The following ZBTB16 variants were observed in gnomAD, a reference collection of about 807,000 sequenced individuals.
The protein encoded by ZBTB16 is zinc finger and BTB domain containing 16, also known as zinc finger and BTB domain-containing protein 16.
Under a neutral mutation model 56.8 loss-of-function variants are expected in ZBTB16, and 8 were observed. The observed-to-expected ratio is 0.14, with a 90% CI of 0.08 to 0.25. The LOEUF is 0.25. Ranked by LOEUF, ZBTB16 falls within the 10% of genes least tolerant of loss-of-function variation. ZBTB16 has a pLI of 1.00. For synonymous variants in ZBTB16, 363 were observed against 368.5 expected (o/e 0.98, Z 0.17); for missense variants, 625 against 903.0 (o/e 0.69, Z 3.95).
At chr11:114,217,364 T>A (rs1355941447) in intron 4 of ZBTB16, among the ~76,000 whole-genome samples, 1 of 152,136 alleles carries the variant, frequency 6.6e-6, no homozygotes, top group East Asian at 1.9e-4. Context: ...AGGAGACTTT[T>A]GTGGCTATCC....
chr11:114,086,105 C>G (rs1239939914), intron 2 of ZBTB16, among the ~76,000 whole-genome samples: 1 of 152,072 alleles, frequency 6.6e-6, no homozygotes, highest in African/African-American at 2.4e-5. Flanking sequence ...CTCTGTGGAG[C>G]CTGCTGAATG....
At chr11:114,103,741 C>G (rs555985243) in intron 2 of ZBTB16, among the ~76,000 whole-genome samples, 1 of 152,084 alleles carries the variant, frequency 6.6e-6, no homozygotes, top group East Asian at 1.9e-4. Context: ...TTTAACCCAT[C>G]CTGGATTCCT....
chr11:114,159,938 G>GGT lies in ZBTB16; in HGVS notation c.1366+3505_1366+3506insTG, dbSNP rs1491306282. 4.6e-5 allele frequency among the ~76,000 whole-genome samples: 3 copies of GGT among 65,710 alleles called. 1 individual carries two copies. Among genetic ancestry groups the GGT allele is most frequent in the South Asian group, 8.3e-4 (2 of 2,424 alleles). The allele number at this position is 65,710 out of a possible 152,430, so 43.1% of individuals were successfully genotyped here. On this transcript the variant is annotated intron_variant, in intron 3 of 6. Transcript: ENST00000335953. ...CTCCAGAACCCTGGGCGGGGGAGGC[G>GGT]GGGGGGAGGCGAGCATTTTTTTTCA...
chr11:114,256,025 T>TG lies in ZBTB16; in HGVS notation c.*5470_*5471insG, dbSNP rs1384274233. Among the ~76,000 whole-genome samples, 1 of 116,134 alleles carries TG rather than the reference T, an allele frequency of 8.6e-6. No homozygotes were observed. The highest frequency in any genetic ancestry group is 1.8e-5 in the Non-Finnish European group (1 of 55,642). 76.2% of individuals were successfully genotyped at this position (116,134 alleles called of 152,430 possible). A position where few individuals can be genotyped will look rare whatever the true frequency, so the allele number is the denominator to read the frequency against. Reference sequence around the variant, plus strand: ...TTGAAGTACTTGGTTTTGTTTTGTTTTTTTTTTTTGTTTTTTTTGCCTTTT... The same window carrying TG: ...TTGAAGTACTTGGTTTTGTTTTGTTTGTTTTTTTTTGTTTTTTTTGCCTTTT... On this transcript the variant is annotated 3_prime_UTR_variant, in exon 7 of 7. Coordinates refer to ENST00000335953, the MANE Select transcript of ZBTB16 (RefSeq NM_006006.6).
intron 3 of ZBTB16, among the ~76,000 whole-genome samples, chr11:114,183,607 C>G (rs1306934958): frequency 6.6e-6 from 1 of 152,202 alleles, no homozygotes; most frequent in Non-Finnish European, 1.5e-5. Flanking sequence ...CGGGCCTTTG[C>G]TTCCCCTTTC....
intron 5 of ZBTB16, among the ~76,000 whole-genome samples, chr11:114,244,150 A>G (rs1944769667): frequency 6.6e-6 from 1 of 152,122 alleles, no homozygotes; most frequent in Non-Finnish European, 1.5e-5. Context: ...GGTGTTTAGC[A>G]TCAGCAGCTG....
intron 3 of ZBTB16, among the ~76,000 whole-genome samples, chr11:114,165,602 G>A (rs571682512): frequency 2.1e-4 from 32 of 152,310 alleles, no homozygotes; most frequent in Admixed American, 1.8e-3. Flanking sequence ...GGCCTGAAGC[G>A]TACTCAGTTT....
intron 2 of ZBTB16, among the ~76,000 whole-genome samples, chr11:114,095,245 CT>C (rs745895999): frequency 0.02 from 1,784 of 90,258 alleles, 12 homozygotes; most frequent in African/African-American, 0.05. Context: ...CTTTTCTTTT[CT>C]TTTTTTTTTT....
At position 114,060,592 on chromosome 11, in the gene ZBTB16, C is replaced by T. The variant is rs2137642383; in HGVS notation, c.-91+710C>T. ...CGCTCCCGGCCGCTCTCGGTGGGTG[C>T]CGGTCTCTGCACCTGATGCGTTCGG... On this transcript the variant is annotated intron_variant, in intron 1 of 6. Coordinates refer to ENST00000335953, the MANE Select transcript of ZBTB16 (RefSeq NM_006006.6). The surrounding 1 kb of genome is among the most constrained non-coding windows in gnomAD (Gnocchi z 6.0). 1 of 152,128 alleles carries T rather than the reference C, an allele frequency of 6.6e-6. No homozygotes were observed. Among genetic ancestry groups the T allele is most frequent in the East Asian group, 2.0e-4 (1 of 5,114 alleles). The allele number at this position is 152,128 out of a possible 1,614,324, so 9.4% of individuals were successfully genotyped here.
chr11:114,237,966 C>A (rs1944626689), intron 4 of ZBTB16, among the ~76,000 whole-genome samples: 2 of 152,208 alleles, frequency 1.3e-5, no homozygotes, highest in East Asian at 3.8e-4. Flanking sequence ...AGGAGCACCC[C>A]TGCACCTTGT....
In ZBTB16 at chr11:114,167,214, T is replaced by TG. The variant is rs1392171815; in HGVS notation, c.1366+10782dup. On this transcript the variant is annotated intron_variant, in intron 3 of 6. Coordinates refer to ENST00000335953, the MANE Select transcript of ZBTB16 (RefSeq NM_006006.6). ...GGAGCCTCGGGCCATTATGGATTTG[T>TG]GGTTTTTTTTTTTTTTGGTTTTTTT... Among the ~76,000 whole-genome samples the TG allele has an allele frequency of 2.1e-4, 24 of 115,916 alleles. No individual in the cohort carries two copies. The South Asian group carries it at 2.2e-3, about 11-fold the overall frequency. 76.0% of individuals were successfully genotyped at this position (115,916 alleles called of 152,430 possible).
intron 3 of ZBTB16, among the ~76,000 whole-genome samples, chr11:114,163,131 A>G (rs566519649): frequency 6.6e-6 from 1 of 152,318 alleles, no homozygotes; most frequent in East Asian, 1.9e-4. Context: ...TAAATTATAC[A>G]CTGGCTGATG....
intron 2 of ZBTB16, among the ~76,000 whole-genome samples, chr11:114,085,739 G>A (rs529048967): frequency 2.6e-5 from 4 of 152,104 alleles, no homozygotes; most frequent in Non-Finnish European, 4.4e-5. Flanking sequence ...GTGTATGGGT[G>A]GGGGCAGGTG....
At position 114,064,961 on chromosome 11, in the gene ZBTB16, T is replaced by C; in HGVS notation, c.1268+393T>C. ...TGGGCCCTGCATCTGACCATGTTAC[T>C]AGGTTTCAGGTCCTCGGGTTCCCAT... On this transcript the variant is annotated intron_variant, in intron 2 of 6. Transcript: ENST00000335953. The surrounding 1 kb of genome is among the most constrained non-coding windows in gnomAD (Gnocchi z 4.2). 1.3e-5 allele frequency among the ~76,000 whole-genome samples: 2 copies of C among 152,168 alleles called. 1 individual carries two copies. The highest frequency in any genetic ancestry group is 6.3e-3 in the Middle Eastern group (2 of 316).
intron 3 of ZBTB16, among the ~76,000 whole-genome samples, chr11:114,167,910 G>C (rs1033321691): frequency 6.6e-6 from 1 of 152,160 alleles, no homozygotes; most frequent in African/African-American, 2.4e-5. Context: ...ACCGGCGAGC[G>C]TTCCTTTTTC....
At chr11:114,205,132 G>C (rs891291257) in intron 4 of ZBTB16, among the ~76,000 whole-genome samples, 1 of 152,118 alleles carries the variant, frequency 6.6e-6, no homozygotes, top group African/African-American at 2.4e-5. Context: ...AATTTCGGCC[G>C]GGCGCGGTGG....
rs1944908588 is a variant in ZBTB16 at position 114,250,999 on chromosome 11, C to A, written c.*444C>A. 6.6e-6 allele frequency among the ~76,000 whole-genome samples: 1 copy of A among 152,144 alleles called. No individual in the cohort carries two copies. On this transcript the variant is annotated 3_prime_UTR_variant, in exon 7 of 7. Transcript: ENST00000335953. The surrounding 1 kb of genome is among the most constrained non-coding windows in gnomAD (Gnocchi z 6.0). ...AGGGAGGAGGTGAGCCAGAAGGGCG[C>A]TCCCCTGCTGATGGGTCTGGGCTGG...
chr11:114,060,921 T>C lies in ZBTB16; in HGVS notation c.-91+1039T>C, dbSNP rs1032969475. ...TCTCGCCTTTCCTCCCACAACTCGC[T>C]GCGGGGCTTTTGTGCTTCCCCTTCG... On this transcript the variant is annotated intron_variant, in intron 1 of 6. Coordinates refer to ENST00000335953, the MANE Select transcript of ZBTB16 (RefSeq NM_006006.6). The surrounding 1 kb of genome is among the most constrained non-coding windows in gnomAD (Gnocchi z 6.0). 3.3e-5 allele frequency among the ~76,000 whole-genome samples: 5 copies of C among 152,172 alleles called. No individual in the cohort carries two copies. Among genetic ancestry groups the C allele is most frequent in the Admixed American group, 1.3e-4 (2 of 15,302 alleles).
intron 4 of ZBTB16, chr11:114,210,746 G>T: frequency 4.6e-6 from 1 of 218,196 alleles, no homozygotes; most frequent in African/African-American, 2.2e-5. Context: ...CAGGCCTGGT[G>T]TTCACTGCCA....
Sources: gnomAD v4.1 joint callset for allele counts (sites outside exome capture counted in the v4.1 genomes callset) on GRCh38, gnomAD v4.1.1 for gene constraint, Gnocchi (gnomAD v3.1) non-coding constraint, MANE v1.5 for transcripts, NCBI Gene and HGNC (gene_info 2026-07-23, HGNC 2026-07-21) for gene names.